The following PTPRD variants were observed in gnomAD, a reference collection of about 807,000 sequenced individuals.
PTPRD encodes receptor-type tyrosine-protein phosphatase delta.
Under a neutral mutation model 214.5 loss-of-function variants are expected in PTPRD, and 34 were observed. The observed-to-expected ratio is 0.16, with a 90% CI of 0.12 to 0.21. The LOEUF (loss-of-function observed/expected upper bound fraction) is 0.21, where lower values mean the gene tolerates loss of function less well. Among genes scored for constraint, PTPRD ranks in the 10% least tolerant of loss-of-function variants. The probability of loss-of-function intolerance (pLI) is 1.00; values close to 1 mark genes in which losing one functional copy is unlikely to be tolerated. For missense variants in PTPRD, 2,545 were observed against 2,398.7 expected, an observed-to-expected ratio of 1.06 and a Z score of -1.27; for synonymous variants, 1,128 against 845.7, an observed-to-expected ratio of 1.33 and a Z score of -5.79.
In PTPRD at chr9:8,316,495, C is replaced by G. The variant is rs1220193459; in HGVS notation, c.*1379G>C. ...ATAAATGCAAATTTCATAGCACATA[C>G]TATAGACAATATACGATTGAATACA... On this transcript the variant is annotated 3_prime_UTR_variant, in exon 46 of 46. Coordinates refer to ENST00000381196, the MANE Select transcript of PTPRD (RefSeq NM_002839.4). 1 of 230,328 alleles carries G rather than the reference C, an allele frequency of 4.3e-6. No homozygotes were observed. Among genetic ancestry groups the G allele is most frequent in the African/African-American group, 2.2e-5 (1 of 44,956 alleles). The allele number at this position is 230,328 out of a possible 1,614,324, so 14.3% of individuals were successfully genotyped here. A position where few individuals can be genotyped will look rare whatever the true frequency, so the allele number is the denominator to read the frequency against.
intron 10 of PTPRD, among the ~76,000 whole-genome samples, chr9:9,099,978 G>T (rs552118811): frequency 3.3e-5 from 5 of 152,058 alleles, no homozygotes; most frequent in African/African-American, 9.6e-5. Flanking sequence ...AATATGCAAT[G>T]GTCTTATTTA....
intron 39 of PTPRD, among the ~76,000 whole-genome samples, chr9:8,358,734 G>A (rs912484846): frequency 6.6e-6 from 1 of 151,886 alleles, no homozygotes; most frequent in Admixed American, 6.6e-5. Context: ...TCCTATTCTT[G>A]CATAGTTTAT....
At chr9:9,930,011 C>T (rs142444827) in intron 5 of PTPRD, among the ~76,000 whole-genome samples, 1 of 152,122 alleles carries the variant, frequency 6.6e-6, no homozygotes, top group Non-Finnish European at 1.5e-5. Context: ...GAGTCAGATA[C>T]TCAGTCTGTA....
intron 11 of PTPRD, among the ~76,000 whole-genome samples, chr9:8,878,310 C>G (rs1013203671): frequency 6.6e-6 from 1 of 152,054 alleles, no homozygotes; most frequent in African/African-American, 2.4e-5. Flanking sequence ...AATAAAATGA[C>G]TACTGTACCC....
chr9:10,311,302 C>T (rs2096260972), intron 3 of PTPRD, among the ~76,000 whole-genome samples: 2 of 151,758 alleles, frequency 1.3e-5, no homozygotes, highest in African/African-American at 4.8e-5. Flanking sequence ...TTATACTGAT[C>T]AAGAAAAGAA....
At chr9:9,326,245 C>G (rs1156823580) in intron 9 of PTPRD, among the ~76,000 whole-genome samples, 71 of 152,034 alleles carry the variant, frequency 4.7e-4, no homozygotes, top group African/African-American at 1.6e-3. Flanking sequence ...ATCTTTCACT[C>G]AAATATCTCT....
intron 11 of PTPRD, among the ~76,000 whole-genome samples, chr9:9,013,456 G>C (rs913001094): frequency 3.9e-5 from 6 of 152,058 alleles, no homozygotes; most frequent in African/African-American, 1.4e-4. Context: ...TTCTATGTTT[G>C]GTAACAGTCC....
rs781230510 is a variant in PTPRD at position 8,314,993 on chromosome 9, A to AT, written c.*2880dup. On this transcript the variant is annotated 3_prime_UTR_variant, in exon 46 of 46. Transcript: ENST00000381196. The stretch of plus-strand genomic sequence containing the variant: ...TACAAATCACTTTTTATATATTTTG[A>AT]TTTTTTTTACCATTGTAACTAATTA... 79 of 232,164 alleles carry AT rather than the reference A, an allele frequency of 3.4e-4. 1 individual carries two copies. Among genetic ancestry groups the AT allele is most frequent in the Admixed American group, 1.9e-3 (34 of 17,690 alleles). 14.4% of individuals were successfully genotyped at this position (232,164 alleles called of 1,614,324 possible).
chr9:10,001,011 C>T (rs568330451), intron 4 of PTPRD, among the ~76,000 whole-genome samples: 2 of 152,274 alleles, frequency 1.3e-5, no homozygotes, highest in South Asian at 4.1e-4. Flanking sequence ...ACCACTTTTT[C>T]GCAGCAGCAC....
chr9:8,454,955 C>T (rs2096126189), intron 33 of PTPRD, among the ~76,000 whole-genome samples: 1 of 151,928 alleles, frequency 6.6e-6, no homozygotes, highest in South Asian at 2.1e-4. Context: ...AAAAAACATG[C>T]TATGAGAAAA....
chr9:8,362,600 G>T (rs973932789), intron 39 of PTPRD, among the ~76,000 whole-genome samples: 2 of 152,168 alleles, frequency 1.3e-5, no homozygotes, highest in Non-Finnish European at 2.9e-5. Context: ...AAGAATGACT[G>T]ACCACCTATA....
At position 8,734,846 on chromosome 9, in the gene PTPRD, A is replaced by C. The variant is rs1435177754; in HGVS notation, c.-103-900T>G. ...GATAATGCTATAAAAGATAGGATCA[A>C]GACTGACATCATGGAAATAGTGTCT... is the stretch of plus-strand genomic sequence containing the variant. On this transcript the variant is annotated intron_variant, in intron 11 of 45. Coordinates refer to ENST00000381196, the MANE Select transcript of PTPRD (RefSeq NM_002839.4). Among the ~76,000 whole-genome samples, 8 of 152,374 alleles carry C rather than the reference A, an allele frequency of 5.3e-5. No individual in the cohort carries two copies. In the East Asian group the frequency reaches 1.5e-3, roughly 29 times the overall value.
At chr9:10,023,484 C>G (rs10809013) in intron 4 of PTPRD, among the ~76,000 whole-genome samples, 64,885 of 152,064 alleles carry the variant, frequency 0.43, 16,363 homozygotes, top group Middle Eastern at 0.62. Context: ...TACATCTTTT[C>G]TGTATATAAA....
rs951905167 is a variant in PTPRD, at chr9:9,087,394, A to G, written c.-142-68659T>C. Among the ~76,000 whole-genome samples, 6 of 152,300 alleles carry G rather than the reference A, an allele frequency of 3.9e-5. No individual in the cohort carries two copies. In the East Asian group the frequency reaches 1.2e-3, roughly 29 times the overall value. ...GTGACCATTTTTCAGTGGTTTACCG[A>G]TAAGTTCAAGAATGAGAAAAACTGT... On this transcript the variant is annotated intron_variant, in intron 10 of 45. Transcript: ENST00000381196.
chr9:8,804,759 T>G (rs1332569881), intron 11 of PTPRD, among the ~76,000 whole-genome samples: 3 of 152,100 alleles, frequency 2.0e-5, no homozygotes, highest in African/African-American at 4.8e-5. Context: ...CACCTTTTAG[T>G]GTGCTGAAGA....
chr9:9,841,497 GA>G (rs1441282379), intron 5 of PTPRD, among the ~76,000 whole-genome samples: 2 of 152,058 alleles, frequency 1.3e-5, no homozygotes, highest in African/African-American at 4.8e-5. Flanking sequence ...CAAAAAGTAG[GA>G]GTACAATAAA....
intron 8 of PTPRD, among the ~76,000 whole-genome samples, chr9:9,447,866 A>G (rs2090966587): frequency 1.3e-5 from 2 of 152,140 alleles, no homozygotes; most frequent in Admixed American, 1.3e-4. Context: ...TTCAAAAAGC[A>G]GCAAAAGAGG....
At chr9:10,283,973 T>C (rs1322205807) in intron 3 of PTPRD, among the ~76,000 whole-genome samples, 2 of 152,176 alleles carry the variant, frequency 1.3e-5, no homozygotes, top group African/African-American at 2.4e-5. Context: ...CTCTCATGGT[T>C]TGTGAGACCC....
At chr9:9,323,051 AT>A (rs775837321) in intron 9 of PTPRD, among the ~76,000 whole-genome samples, 2 of 151,934 alleles carry the variant, frequency 1.3e-5, no homozygotes, top group East Asian at 1.9e-4. Flanking sequence ...ACTGTTTACA[AT>A]TTTTTTTGCA....
Sources: gnomAD v4.1 joint callset for allele counts (sites outside exome capture counted in the v4.1 genomes callset) on GRCh38, gnomAD v4.1.1 for gene constraint, MANE v1.5 for transcripts, NCBI Gene and HGNC (gene_info 2026-07-23, HGNC 2026-07-21) for gene names.